Variants in ZFYVE16 observed in about 807,000 individuals in gnomAD.
The protein encoded by ZFYVE16 is zinc finger FYVE domain-containing protein 16.
In ZFYVE16, 89 loss-of-function variants were observed where a neutral mutation model predicts 138.1. The ratio of observed to expected loss-of-function variants is 0.64; its 90% CI spans 0.54 to 0.77. ZFYVE16 has a LOEUF of 0.77. Among genes scored for constraint, ZFYVE16 ranks in the 30% least tolerant of loss-of-function variants. ZFYVE16 has a pLI of 0.00. For missense variants in ZFYVE16, 1,793 were observed against 1,786.7 expected (o/e 1.00, Z -0.06); for synonymous variants, 596 against 618.3 (o/e 0.96, Z 0.53).
chr5:80,451,079 T>C (rs1251785441), intron 10 of ZFYVE16, among the ~76,000 whole-genome samples: 4 of 152,228 alleles, frequency 2.6e-5, no homozygotes, highest in Non-Finnish European at 5.9e-5. Flanking sequence ...CCCAAAGTGC[T>C]GGGATTACAG....
At position 80,477,389 on chromosome 5, in the gene ZFYVE16, G is replaced by A; in HGVS notation, c.*12G>A. 6.2e-7 allele frequency: 1 copy of A among 1,600,740 alleles called. No individual in the cohort carries two copies. The highest frequency in any genetic ancestry group is 8.5e-7 in the Non-Finnish European group (1 of 1,176,218). Reference sequence around the variant, plus strand: ...AACATCTTTTTTAGTGAAAGAATGTGCCATATTACATATTGCAACCTAATT... The same window carrying A: ...AACATCTTTTTTAGTGAAAGAATGTACCATATTACATATTGCAACCTAATT... On this transcript the variant is annotated 3_prime_UTR_variant, in exon 19 of 19. Coordinates refer to ENST00000505560, the MANE Select transcript of ZFYVE16 (RefSeq NM_001284236.3).
At position 80,478,021 on chromosome 5, in the gene ZFYVE16, TG is replaced by T. The variant is rs964037043; in HGVS notation, c.*646del. 6.6e-6 allele frequency: 1 copy of T among 152,148 alleles called. No homozygotes were observed. The highest frequency in any genetic ancestry group is 2.4e-5 in the African/African-American group (1 of 41,460). The allele number at this position is 152,148 out of a possible 1,614,324, so 9.4% of individuals were successfully genotyped here. ...ACATATATAGTTTTCCCTGATTAAATGGATATTAAAATAATTGCGGGTGCTT... is the reference window on the plus strand; with the variant it reads ...ACATATATAGTTTTCCCTGATTAAATGATATTAAAATAATTGCGGGTGCTT... On this transcript the variant is annotated 3_prime_UTR_variant, in exon 19 of 19. Transcript: ENST00000505560.
chr5:80,456,748 C>T lies in ZFYVE16; in HGVS notation c.3795+183C>T, dbSNP rs188305532. ...CTGTTTGATCATATTTCTTTTTTTTCGTACTGTTTTATTGAGGTGATTACT... is the reference window on the plus strand; with the variant it reads ...CTGTTTGATCATATTTCTTTTTTTTTGTACTGTTTTATTGAGGTGATTACT... On this transcript the variant is annotated intron_variant, in intron 13 of 18. Coordinates refer to ENST00000505560, the MANE Select transcript of ZFYVE16 (RefSeq NM_001284236.3). Among the ~76,000 whole-genome samples, 663 of 151,268 alleles carry T rather than the reference C, an allele frequency of 4.4e-3. 3 individuals carry two copies. Among genetic ancestry groups the T allele is most frequent in the African/African-American group, 9.1e-3 (375 of 41,316 alleles).
chr5:80,446,743 TG>T (rs1751395966), intron 7 of ZFYVE16, among the ~76,000 whole-genome samples: 1 of 152,146 alleles, frequency 6.6e-6, no homozygotes, highest in South Asian at 2.1e-4. Flanking sequence ...CAAGAAAGTA[TG>T]TGATGGTGAT....
intron 1 of ZFYVE16, among the ~76,000 whole-genome samples, chr5:80,425,152 T>C (rs1747810864): frequency 6.6e-6 from 1 of 152,222 alleles, no homozygotes; most frequent in Non-Finnish European, 1.5e-5. Flanking sequence ...CCATGCTGTC[T>C]TTTCTCCTTA....
At chr5:80,429,516 A>G (rs543862376) in intron 2 of ZFYVE16, among the ~76,000 whole-genome samples, 1 of 152,344 alleles carries the variant, frequency 6.6e-6, no homozygotes, top group African/African-American at 2.4e-5. Context: ...TGTAAAGACC[A>G]TCGATGCTAG....
At chr5:80,464,253 C>T (rs1753446164) in intron 15 of ZFYVE16, among the ~76,000 whole-genome samples, 1 of 151,280 alleles carries the variant, frequency 6.6e-6, no homozygotes, top group Admixed American at 6.6e-5. Context: ...GTTTAATTGA[C>T]TCACAGTTCA....
At chr5:80,408,551 C>T (rs1580041052) in intron 1 of ZFYVE16, among the ~76,000 whole-genome samples, 1 of 152,230 alleles carries the variant, frequency 6.6e-6, no homozygotes, top group African/African-American at 2.4e-5. Flanking sequence ...GACTGTGGTT[C>T]TTCAGGAGTG....
chr5:80,467,927 A>G (rs1753903095), intron 15 of ZFYVE16, among the ~76,000 whole-genome samples: 1 of 152,226 alleles, frequency 6.6e-6, no homozygotes, highest in Non-Finnish European at 1.5e-5. Flanking sequence ...TCAGTGAAGC[A>G]ATAGAAATGA....
intron 8 of ZFYVE16, among the ~76,000 whole-genome samples, 162 bp downstream of exon 8, chr5:80,448,566 C>G (rs1285501202): frequency 2.6e-5 from 4 of 152,046 alleles, no homozygotes; most frequent in Non-Finnish European, 4.4e-5. Context: ...AAAACAAATT[C>G]TAAAAATATT....
At chr5:80,431,061 A>G (rs1010397255) in intron 2 of ZFYVE16, among the ~76,000 whole-genome samples, 21 of 152,330 alleles carry the variant, frequency 1.4e-4, no homozygotes, top group African/African-American at 5.1e-4. Context: ...CAATAGAAAA[A>G]GAGGGAATCC....
intron 11 of ZFYVE16, chr5:80,455,286 C>T (rs1229086915): frequency 1.5e-5 from 3 of 205,050 alleles, no homozygotes; most frequent in African/African-American, 7.2e-5. Context: ...GTAATCCCAG[C>T]ACTTTGGGAG....
intron 1 of ZFYVE16, among the ~76,000 whole-genome samples, chr5:80,418,227 T>C (rs1746541713): frequency 6.6e-6 from 1 of 150,714 alleles, no homozygotes; most frequent in Non-Finnish European, 1.5e-5. Context: ...CTCTCCTCTC[T>C]CCTTTCTCTT....
At chr5:80,435,607 C>G (rs1168934864) in intron 3 of ZFYVE16, among the ~76,000 whole-genome samples, 1 of 152,200 alleles carries the variant, frequency 6.6e-6, no homozygotes, top group African/African-American at 2.4e-5. Flanking sequence ...CTTGCTCTTT[C>G]ACCCTAGCCG....
intron 13 of ZFYVE16, 110 bp downstream of exon 13, chr5:80,456,675 C>A: frequency 2.1e-6 from 2 of 934,848 alleles, no homozygotes; most frequent in Non-Finnish European, 3.2e-6. Context: ...TGTATTATGG[C>A]AACAAACATT....
At chr5:80,445,487 T>A in intron 7 of ZFYVE16, 82 bp downstream of exon 7, 3 of 453,342 alleles carry the variant, frequency 6.6e-6, no homozygotes, top group Non-Finnish European at 8.9e-6. Flanking sequence ...TTAGAGTGCT[T>A]TTTTTTTTTT....
intron 2 of ZFYVE16, among the ~76,000 whole-genome samples, chr5:80,429,270 T>C (rs769433624): frequency 2.6e-5 from 4 of 152,222 alleles, no homozygotes; most frequent in Non-Finnish European, 5.9e-5. Context: ...GCAGAAACTC[T>C]ACAAGCCAGG....
At chr5:80,431,264 G>T (rs1035515173) in intron 2 of ZFYVE16, among the ~76,000 whole-genome samples, 1 of 151,968 alleles carries the variant, frequency 6.6e-6, no homozygotes, top group African/African-American at 2.4e-5. Context: ...TTCATCTCTG[G>T]GATGCAAGGC....
Position 80,456,967 on chromosome 5 carries a change from C to T in ZFYVE16, c.3818C>T (p.Ser1273Phe), listed in dbSNP as rs769701928. 2 of 1,599,602 alleles carry T rather than the reference C, an allele frequency of 1.3e-6. No individual in the cohort carries two copies. The highest frequency in any genetic ancestry group is 2.2e-5 in the East Asian group (1 of 44,624). Residue 1273 changes from serine to phenylalanine, a missense_variant, in exon 14 of 19, where the codon TCC becomes TTC. Physicochemically the swap from Ser to Phe is radical, Grantham distance 155. Transcript: ENST00000505560. Reference protein sequence around the residue: ...YSDVMKVLNSSNEHVISIGAS... With the variant: ...YSDVMKVLNSFNEHVISIGAS... Reference sequence around the variant, plus strand: ...CAGGTAATGAAAGTACTAAATTCTTCCAATGAGCATGTCATTAGCATTGGA... The same window carrying T: ...CAGGTAATGAAAGTACTAAATTCTTTCAATGAGCATGTCATTAGCATTGGA...
Sources: allele counts gnomAD v4.1 joint callset (sites outside exome capture counted in the v4.1 genomes callset), GRCh38; gene constraint gnomAD v4.1.1; transcripts MANE v1.5; gene names NCBI Gene and HGNC (gene_info 2026-07-23, HGNC 2026-07-21).